SLC25A13: variants seen among roughly 807,000 people sequenced by gnomAD.
SLC25A13 encodes the protein solute carrier family 25 member 13.
SLC25A13 carries 70 observed loss-of-function variants against 85.5 expected under a neutral mutation model. That is an observed-to-expected ratio of 0.82 (90% CI 0.68 to 1.00). SLC25A13 has a LOEUF of 1.00. SLC25A13 is among the 50% of genes least tolerant of loss of function. SLC25A13 has a pLI of 0.00. For missense variants in SLC25A13, 765 were observed against 819.8 expected, an observed-to-expected ratio of 0.93 and a Z score of 0.82; for synonymous variants, 259 against 288.7, an observed-to-expected ratio of 0.90 and a Z score of 1.04.
chr7:96,222,331 A>AAT (rs1796164363), intron 4 of SLC25A13, among the ~76,000 whole-genome samples: 1 of 152,210 alleles, frequency 6.6e-6, no homozygotes, highest in Admixed American at 6.5e-5. Context: ...CAGGCCTCCC[A>AAT]GTGTGGCACA....
intron 14 of SLC25A13, among the ~76,000 whole-genome samples, chr7:96,136,400 A>G (rs565808729): frequency 2.0e-5 from 3 of 152,198 alleles, no homozygotes; most frequent in Non-Finnish European, 4.4e-5. Context: ...TCAAGTTGCT[A>G]GGATCGTCCA....
At chr7:96,251,202 G>A (rs1022023497) in intron 3 of SLC25A13, among the ~76,000 whole-genome samples, 12 of 152,152 alleles carry the variant, frequency 7.9e-5, no homozygotes, top group Non-Finnish European at 1.5e-4. Flanking sequence ...CGGCAAGCAC[G>A]GTGTGTTCAA....
At chr7:96,266,833 GA>G (rs1562889206) in intron 3 of SLC25A13, among the ~76,000 whole-genome samples, 1 of 152,020 alleles carries the variant, frequency 6.6e-6, no homozygotes, top group Non-Finnish European at 1.5e-5. Context: ...TGAGAGAAAG[GA>G]AAAAATAACA....
chr7:96,254,459 C>A (rs1268122440), intron 3 of SLC25A13, among the ~76,000 whole-genome samples: 2 of 152,332 alleles, frequency 1.3e-5, no homozygotes, highest in African/African-American at 4.8e-5. Context: ...TGGGAATTCT[C>A]AGCCTCCACA....
chr7:96,137,645 T>C (rs750717298), intron 14 of SLC25A13, among the ~76,000 whole-genome samples: 1 of 152,156 alleles, frequency 6.6e-6, no homozygotes, highest in Non-Finnish European at 1.5e-5. Context: ...TCTTTATTTC[T>C]TTATTATTAT....
chr7:96,170,187 A>G (rs1386602096), intron 12 of SLC25A13, 62 bp from the exon 13 acceptor site: 10 of 1,405,138 alleles, frequency 7.1e-6, no homozygotes, highest in Admixed American at 1.7e-5. Context: ...AAACACTTAT[A>G]AATATGCATC....
chr7:96,262,587 G>A (rs958437911), intron 3 of SLC25A13, among the ~76,000 whole-genome samples: 2 of 152,152 alleles, frequency 1.3e-5, no homozygotes, highest in African/African-American at 4.8e-5. Context: ...GTGACGAAGA[G>A]CCTCTCATGG....
chr7:96,229,046 C>T (rs1373219842), intron 4 of SLC25A13, among the ~76,000 whole-genome samples: 1 of 152,214 alleles, frequency 6.6e-6, no homozygotes, highest in African/African-American at 2.4e-5. Flanking sequence ...CCGCCCCCTG[C>T]TCCGCAGCGC....
intron 3 of SLC25A13, among the ~76,000 whole-genome samples, chr7:96,271,389 T>C (rs1286608091): frequency 6.6e-6 from 1 of 152,226 alleles, no homozygotes; most frequent in Non-Finnish European, 1.5e-5. Flanking sequence ...ATGTTCACAG[T>C]TTTTGCAACT....
At chr7:96,130,005 A>C (rs1212989634) in intron 15 of SLC25A13, among the ~76,000 whole-genome samples, 1 of 152,226 alleles carries the variant, frequency 6.6e-6, no homozygotes, top group African/African-American at 2.4e-5. Context: ...ATAATGAATA[A>C]TATTTTTGTT....
intron 4 of SLC25A13, among the ~76,000 whole-genome samples, chr7:96,229,038 GC>G (rs1161191727): frequency 6.6e-6 from 1 of 152,166 alleles, no homozygotes; most frequent in African/African-American, 2.4e-5. Context: ...AACGGGTGCC[GC>G]CCCCTGCTCC....
intron 1 of SLC25A13, among the ~76,000 whole-genome samples, chr7:96,307,053 T>C (rs1219945292): frequency 3.9e-5 from 6 of 152,050 alleles, no homozygotes; most frequent in Non-Finnish European, 8.8e-5. Context: ...TCTCTCCCTA[T>C]GGGCCACTCC....
intron 14 of SLC25A13, among the ~76,000 whole-genome samples, chr7:96,137,657 AT>A (rs987496052): frequency 4.5e-4 from 69 of 152,064 alleles, no homozygotes; most frequent in African/African-American, 1.6e-3. Flanking sequence ...TATTATTATT[AT>A]TTTTTGAGAC....
At chr7:96,276,496 G>A (rs576153567) in intron 3 of SLC25A13, among the ~76,000 whole-genome samples, 8 of 152,164 alleles carry the variant, frequency 5.3e-5, no homozygotes, top group Admixed American at 1.3e-4. Flanking sequence ...GGTGGCGCAC[G>A]GCTTTGATAC....
chr7:96,174,313 G>GA (rs748123823), intron 11 of SLC25A13, among the ~76,000 whole-genome samples: 8 of 152,124 alleles, frequency 5.3e-5, no homozygotes, highest in Non-Finnish European at 1.0e-4. Flanking sequence ...CAGCATATGA[G>GA]AAAAAACGGG....
chr7:96,279,231 T>C (rs1798572544), intron 2 of SLC25A13, among the ~76,000 whole-genome samples: 1 of 152,218 alleles, frequency 6.6e-6, no homozygotes, highest in Admixed American at 6.5e-5. Context: ...ATTATATTTG[T>C]TGCAAATATT....
intron 4 of SLC25A13, among the ~76,000 whole-genome samples, chr7:96,229,929 T>C (rs1796473846): frequency 6.6e-6 from 1 of 152,176 alleles, no homozygotes; most frequent in African/African-American, 2.4e-5. Context: ...AGACACACCA[T>C]TACTTTGGAA....
rs567865347 is a variant in SLC25A13 at position 96,251,476 on chromosome 7, GGTGA to G, written c.213-16563_213-16560del. On this transcript the variant is annotated intron_variant, in intron 3 of 17. Coordinates refer to ENST00000265631, the MANE Select transcript of SLC25A13 (RefSeq NM_014251.3). ...GGTGAGAAGTTATTACAATAATCCA[GGTGA>G]GAGATGGTCATGCCTGCGTCTGGTT... Among the ~76,000 whole-genome samples, 58 of 152,302 alleles carry G rather than the reference GGTGA, an allele frequency of 3.8e-4. 1 individual carries two copies. In the South Asian group the frequency reaches 0.012, roughly 32 times the overall value.
chr7:96,195,755 T>C (rs1006552731), intron 5 of SLC25A13, among the ~76,000 whole-genome samples: 1 of 152,156 alleles, frequency 6.6e-6, no homozygotes, highest in East Asian at 1.9e-4. Flanking sequence ...CTGCTGCCCC[T>C]TTCTCCAGCT....
Sources: gnomAD v4.1 joint callset for allele counts (sites outside exome capture counted in the v4.1 genomes callset) on GRCh38, gnomAD v4.1.1 for gene constraint, MANE v1.5 for transcripts, NCBI Gene and HGNC (gene_info 2026-07-23, HGNC 2026-07-21) for gene names.